Variants in RUNDC3B observed in about 807,000 individuals in gnomAD.
The protein encoded by RUNDC3B is RUN domain-containing protein 3B.
A neutral mutation model predicts 58.4 loss-of-function variants in RUNDC3B; 33 were observed. The ratio of observed to expected loss-of-function variants is 0.56; its 90% CI spans 0.43 to 0.75. The LOEUF is 0.75. Among genes scored for constraint, RUNDC3B ranks in the 30% least tolerant of loss-of-function variants. The pLI is 0.00. For missense variants in RUNDC3B, 501 were observed against 535.7 expected, an observed-to-expected ratio of 0.94 and a Z score of 0.64; for synonymous variants, 193 against 195.2, an observed-to-expected ratio of 0.99 and a Z score of 0.10.
chr7:87,725,607 G>A (rs981814071), intron 4 of RUNDC3B, among the ~76,000 whole-genome samples: 1 of 152,186 alleles, frequency 6.6e-6, no homozygotes, highest in African/African-American at 2.4e-5. Flanking sequence ...TATATACCCA[G>A]TAATGGGATG....
chr7:87,674,988 C>G, intron 2 of RUNDC3B, among the ~76,000 whole-genome samples: 1 of 152,338 alleles, frequency 6.6e-6, no homozygotes, highest in East Asian at 1.9e-4. Context: ...CAGGCTGGAG[C>G]CCTGTACCTA....
At chr7:87,804,645 T>G (rs1563220788) in intron 8 of RUNDC3B, among the ~76,000 whole-genome samples, 2 of 152,194 alleles carry the variant, frequency 1.3e-5, no homozygotes, top group African/African-American at 4.8e-5. Context: ...TATAGAATCA[T>G]TGTCTTAATG....
intron 8 of RUNDC3B, among the ~76,000 whole-genome samples, chr7:87,779,708 C>T (rs545952269): frequency 2.6e-5 from 4 of 152,052 alleles, no homozygotes; most frequent in East Asian, 1.9e-4. Flanking sequence ...CTGAGATTTG[C>T]GGTATGATTG....
rs533431925 is a variant in RUNDC3B at position 87,646,383 on chromosome 7, G to A, written c.123-4439G>A. ...ACTAAAATCTTATCAGACTGTTAAAGGTGGAAATTGAGTTCTAACCTAGAT... is the reference window on the plus strand; with the variant it reads ...ACTAAAATCTTATCAGACTGTTAAAAGTGGAAATTGAGTTCTAACCTAGAT... On this transcript the variant is annotated intron_variant, in intron 1 of 10. Coordinates refer to ENST00000394654, the MANE Select transcript of RUNDC3B (RefSeq NM_001134405.2). Among the ~76,000 whole-genome samples the A allele has an allele frequency of 2.6e-5, 4 of 152,206 alleles. No homozygotes were observed. In the South Asian group the frequency reaches 6.2e-4, roughly 24 times the overall value.
intron 3 of RUNDC3B, among the ~76,000 whole-genome samples, chr7:87,704,833 A>T (rs776379570): frequency 6.6e-6 from 1 of 152,198 alleles, no homozygotes; most frequent in Non-Finnish European, 1.5e-5. Flanking sequence ...AGTTTACTTA[A>T]TCTACTCAGT....
At chr7:87,699,652 C>T (rs1828838309) in intron 2 of RUNDC3B, among the ~76,000 whole-genome samples, 1 of 152,212 alleles carries the variant, frequency 6.6e-6, no homozygotes, top group Admixed American at 6.5e-5. Context: ...GTGATCCACC[C>T]ACCTTGGCCT....
intron 6 of RUNDC3B, among the ~76,000 whole-genome samples, chr7:87,768,476 A>G (rs951376984): frequency 1.3e-5 from 2 of 152,224 alleles, no homozygotes; most frequent in Non-Finnish European, 2.9e-5. Flanking sequence ...CACAACGAGT[A>G]TCGCACCCAC....
At chr7:87,750,883 A>G (rs979395186) in intron 6 of RUNDC3B, among the ~76,000 whole-genome samples, 1 of 151,430 alleles carries the variant, frequency 6.6e-6, no homozygotes, top group Non-Finnish European at 1.5e-5. Context: ...CTTTAGTTTA[A>G]TTAGATCTCA....
chr7:87,642,671 T>C (rs1790818380), intron 1 of RUNDC3B, among the ~76,000 whole-genome samples: 1 of 152,100 alleles, frequency 6.6e-6, no homozygotes, highest in Non-Finnish European at 1.5e-5. Flanking sequence ...AGGGTACATG[T>C]GCATGAAGCT....
chr7:87,639,131 G>C (rs1012582148), intron 1 of RUNDC3B, among the ~76,000 whole-genome samples: 1 of 132,226 alleles, frequency 7.6e-6, no homozygotes, highest in Admixed American at 8.7e-5. Context: ...TCCAGCCTGG[G>C]CGACAGAGTG....
At chr7:87,736,837 A>ATG (rs1469588822) in intron 4 of RUNDC3B, among the ~76,000 whole-genome samples, 2 of 119,686 alleles carry the variant, frequency 1.7e-5, no homozygotes, top group East Asian at 5.3e-4. Context: ...ATATATATGT[A>ATG]TGTGTGTATA....
At chr7:87,776,284 A>G (rs1036608459) in intron 7 of RUNDC3B, among the ~76,000 whole-genome samples, 1 of 152,162 alleles carries the variant, frequency 6.6e-6, no homozygotes, top group African/African-American at 2.4e-5. Flanking sequence ...TTATATTAAG[A>G]AAAACCTAAA....
chr7:87,699,588 T>C (rs1409859158), intron 2 of RUNDC3B, among the ~76,000 whole-genome samples: 2 of 152,140 alleles, frequency 1.3e-5, no homozygotes, highest in African/African-American at 4.8e-5. Flanking sequence ...GTATTTTTAG[T>C]AGAGATGAGG....
At chr7:87,744,204 G>T (rs1234875584) in intron 6 of RUNDC3B, among the ~76,000 whole-genome samples, 1 of 152,122 alleles carries the variant, frequency 6.6e-6, no homozygotes, top group East Asian at 1.9e-4. Flanking sequence ...ACACTGTTTT[G>T]GTGACTAGGG....
intron 6 of RUNDC3B, among the ~76,000 whole-genome samples, chr7:87,742,996 C>T (rs1401807344): frequency 6.6e-6 from 1 of 151,998 alleles, no homozygotes; most frequent in Non-Finnish European, 1.5e-5. Context: ...CGCCTGTAGT[C>T]CCCACTACTC....
At chr7:87,637,321 C>T (rs1415153611) in intron 1 of RUNDC3B, among the ~76,000 whole-genome samples, 2 of 152,188 alleles carry the variant, frequency 1.3e-5, no homozygotes, top group Admixed American at 6.5e-5. Context: ...AAATTAATAC[C>T]TATAACTTTA....
At chr7:87,724,726 G>T (rs1831112408) in intron 4 of RUNDC3B, among the ~76,000 whole-genome samples, 1 of 151,966 alleles carries the variant, frequency 6.6e-6, no homozygotes, top group African/African-American at 2.4e-5. Flanking sequence ...TTTCACTACA[G>T]TAGGACACTT....
intron 2 of RUNDC3B, among the ~76,000 whole-genome samples, chr7:87,698,163 G>C (rs1308760475): frequency 6.6e-6 from 1 of 152,024 alleles, no homozygotes; most frequent in Non-Finnish European, 1.5e-5. Flanking sequence ...GCAGTGGCAC[G>C]ATCTCGGCTC....
rs569047040 is a variant in RUNDC3B, at chr7:87,663,597, T to G, written c.238+12660T>G. The stretch of plus-strand genomic sequence containing the variant: ...TTAATCTTTTAAAATACTGTATACT[T>G]TTCCACATTATTGCTTTTAAAAGCT... On this transcript the variant is annotated intron_variant, in intron 2 of 10. Transcript: ENST00000394654. Among the ~76,000 whole-genome samples the G allele has an allele frequency of 2.0e-5, 3 of 152,324 alleles. No homozygotes were observed. In the South Asian group the frequency reaches 6.2e-4, roughly 32 times the overall value.
Sources: gnomAD v4.1 joint callset for allele counts (sites outside exome capture counted in the v4.1 genomes callset) on GRCh38, gnomAD v4.1.1 for gene constraint, MANE v1.5 for transcripts, NCBI Gene and HGNC (gene_info 2026-07-23, HGNC 2026-07-21) for gene names.